The following PSD3 variants were observed in gnomAD, a reference collection of about 807,000 sequenced individuals.
The protein encoded by PSD3 is pleckstrin and Sec7 domain containing 3, also known as PH and SEC7 domain-containing protein 3.
PSD3 carries 49 observed loss-of-function variants against 105.5 expected under a neutral mutation model. That is an observed-to-expected ratio of 0.46 (90% CI 0.37 to 0.59). The LOEUF (loss-of-function observed/expected upper bound fraction) is 0.59, where lower values mean the gene tolerates loss of function less well. Ranked by LOEUF, PSD3 falls within the 20% of genes least tolerant of loss-of-function variation. PSD3 has a pLI of 0.00. For synonymous variants in PSD3, 557 were observed against 457.8 expected (o/e 1.22, Z -2.77); for missense variants, 1,561 against 1,263.8 (o/e 1.24, Z -3.57).
At chr8:18,750,273 T>A (rs1482411114) in intron 9 of PSD3, among the ~76,000 whole-genome samples, 1 of 152,154 alleles carries the variant, frequency 6.6e-6, no homozygotes, top group Non-Finnish European at 1.5e-5. Context: ...GTGGCGCGTC[T>A]GGAGTTTGTT....
At chr8:18,788,974 G>C (rs1219178783) in intron 8 of PSD3, among the ~76,000 whole-genome samples, 1 of 152,110 alleles carries the variant, frequency 6.6e-6, no homozygotes, top group Non-Finnish European at 1.5e-5. Flanking sequence ...GACTACAGTG[G>C]ATATTCAATG....
intron 9 of PSD3, among the ~76,000 whole-genome samples, chr8:18,668,962 G>T (rs555703147): frequency 2.0e-5 from 3 of 152,116 alleles, no homozygotes. Context: ...TTTTCACAGG[G>T]AAAGATATCC....
chr8:18,994,165 G>A (rs1401375939), intron 1 of PSD3, among the ~76,000 whole-genome samples: 1 of 151,980 alleles, frequency 6.6e-6, no homozygotes, highest in Non-Finnish European at 1.5e-5. Flanking sequence ...TACCTTATGA[G>A]GGGCAGTAAA....
chr8:18,529,494 G>T lies in PSD3; in HGVS notation c.*6249C>A, dbSNP rs1329723139. 1 of 152,578 alleles carries T rather than the reference G, an allele frequency of 6.6e-6. No homozygotes were observed. 9.5% of individuals were successfully genotyped at this position (152,578 alleles called of 1,614,324 possible). On this transcript the variant is annotated 3_prime_UTR_variant, in exon 16 of 16. Transcript: ENST00000327040. ...TTCTCCTTATACACCTAAGGGGACA[G>T]TCAACTGGTTCTGAATCTCAGGAGG...
chr8:18,784,377 C>T (rs1452206547), intron 8 of PSD3, among the ~76,000 whole-genome samples: 1 of 152,178 alleles, frequency 6.6e-6, no homozygotes, highest in East Asian at 1.9e-4. Flanking sequence ...ACACAATAGT[C>T]ACTGAAGTAT....
chr8:18,963,485 C>T (rs11775268), intron 1 of PSD3, among the ~76,000 whole-genome samples: 61,153 of 151,912 alleles, frequency 0.4, 12,537 homozygotes, highest in African/African-American at 0.43. Context: ...TATACATACT[C>T]GACTCGCCAA....
At chr8:18,855,937 A>C (rs962441295) in intron 4 of PSD3, among the ~76,000 whole-genome samples, 3 of 152,176 alleles carry the variant, frequency 2.0e-5, no homozygotes, top group Non-Finnish European at 4.4e-5. Context: ...AAGCTTTAGA[A>C]AGCCAACTGC....
Position 18,683,485 on chromosome 8 carries a change from T to C in PSD3, c.2173-27800A>G, listed in dbSNP as rs529604516. On this transcript the variant is annotated intron_variant, in intron 9 of 15. Coordinates refer to ENST00000327040, the MANE Select transcript of PSD3 (RefSeq NM_015310.4). ...AACCTTTCTGAGACCAAAAACAAGA[T>C]CGATGTGCCAAACAACAGTTTCCCA... Among the ~76,000 whole-genome samples the C allele has an allele frequency of 2.6e-5, 4 of 152,314 alleles. No homozygotes were observed. The East Asian group carries it at 7.7e-4, about 29-fold the overall frequency.
intron 2 of PSD3, among the ~76,000 whole-genome samples, chr8:18,876,892 TCTCA>T (rs1377799054): frequency 6.6e-6 from 1 of 152,238 alleles, no homozygotes; most frequent in East Asian, 1.9e-4. Context: ...AGAAGTGGTA[TCTCA>T]CTGTGATTCT....
intron 1 of PSD3, among the ~76,000 whole-genome samples, chr8:18,943,856 A>G (rs1307638356): frequency 6.6e-6 from 1 of 151,968 alleles, no homozygotes; most frequent in Non-Finnish European, 1.5e-5. Context: ...TTCACTCACC[A>G]AGCTAATGAA....
chr8:18,742,853 C>A, intron 9 of PSD3, among the ~76,000 whole-genome samples: 1 of 152,196 alleles, frequency 6.6e-6, no homozygotes, highest in Admixed American at 6.5e-5. Flanking sequence ...TAACCTTTCA[C>A]AACCTAGGAT....
intron 2 of PSD3, among the ~76,000 whole-genome samples, chr8:18,906,205 T>C (rs544917250): frequency 6.6e-6 from 1 of 152,304 alleles, no homozygotes; most frequent in Admixed American, 6.5e-5. Context: ...TAAACATTTA[T>C]ACGAATTTTT....
rs139746570 is a variant in PSD3, at chr8:18,904,990, T to C, written c.130+31044A>G. ...CCCTACTGCTATCTTGCTGGCACTG[T>C]GTATTAGGTTTTTCTTTTAAAATAT... On this transcript the variant is annotated intron_variant, in intron 2 of 15. Coordinates refer to ENST00000327040, the MANE Select transcript of PSD3 (RefSeq NM_015310.4). 3.9e-5 allele frequency among the ~76,000 whole-genome samples: 6 copies of C among 152,314 alleles called. No homozygotes were observed. In the East Asian group the frequency reaches 1.2e-3, roughly 29 times the overall value.
At chr8:19,083,659 C>G (rs1829713755) in intron 1 of PSD3, among the ~76,000 whole-genome samples, 2 of 150,166 alleles carry the variant, frequency 1.3e-5, no homozygotes, top group Non-Finnish European at 2.9e-5. Context: ...TTCTGGAAAC[C>G]TCCACAGCTC....
chr8:18,962,654 T>C (rs1483221249), intron 1 of PSD3, among the ~76,000 whole-genome samples: 2 of 152,200 alleles, frequency 1.3e-5, no homozygotes, highest in African/African-American at 4.8e-5. Context: ...GCCCAGAAGT[T>C]TAAATACCTC....
chr8:18,650,025 G>A (rs10112384), intron 10 of PSD3, among the ~76,000 whole-genome samples: 37,690 of 152,060 alleles, frequency 0.25, 4,953 homozygotes, highest in South Asian at 0.44. Context: ...GTATTGCTTT[G>A]TAGCAGTGCA....
intron 1 of PSD3, among the ~76,000 whole-genome samples, chr8:19,053,467 C>T (rs1828599932): frequency 6.6e-6 from 1 of 152,108 alleles, no homozygotes; most frequent in Non-Finnish European, 1.5e-5. Context: ...AACAAAGAGA[C>T]TTAAGATGAA....
At chr8:18,931,683 C>T (rs951804189) in intron 2 of PSD3, among the ~76,000 whole-genome samples, 2 of 152,136 alleles carry the variant, frequency 1.3e-5, no homozygotes, top group Admixed American at 6.6e-5. Context: ...GTTCAGGTGA[C>T]GGCAGCAGGG....
intron 1 of PSD3, among the ~76,000 whole-genome samples, chr8:18,945,380 A>G (rs7013664): frequency 0.12 from 17,961 of 152,186 alleles, 1,161 homozygotes; most frequent in Non-Finnish European, 0.14. Context: ...ATAAGATACT[A>G]CAACACTGGC....
Sources: allele counts gnomAD v4.1 joint callset (sites outside exome capture counted in the v4.1 genomes callset), GRCh38; gene constraint gnomAD v4.1.1; transcripts MANE v1.5; gene names NCBI Gene and HGNC (gene_info 2026-07-23, HGNC 2026-07-21).